Variants in OARD1 observed in about 807,000 individuals in gnomAD.
OARD1 encodes the protein ADP-ribose glycohydrolase OARD1.
In OARD1, 19 loss-of-function variants were observed where a neutral mutation model predicts 19.7. That is an observed-to-expected ratio of 0.96 (90% confidence interval 0.67 to 1.41). The LOEUF (loss-of-function observed/expected upper bound fraction) is 1.41. Among genes scored for constraint, OARD1 ranks in the 40% most tolerant of loss-of-function variants. The pLI, the probability that OARD1 is intolerant of heterozygous loss-of-function variation, is 0.00. For missense variants in OARD1, 190 were observed against 183.8 expected, an observed-to-expected ratio of 1.03 and a Z score of -0.20; for synonymous variants, 70 against 61.8, an observed-to-expected ratio of 1.13 and a Z score of -0.62.
At chr6:41,067,651 T>C (rs1763089283) in intron 5 of OARD1, among the ~76,000 whole-genome samples, 1 of 152,228 alleles carries the variant, frequency 6.6e-6, no homozygotes, top group Non-Finnish European at 1.5e-5. Context: ...ATCACTTCTG[T>C]TTGCCTAATA....
chr6:41,093,043 A>G, intron 1 of OARD1: 2 of 1,614,164 alleles, frequency 1.2e-6, no homozygotes, highest in Non-Finnish European at 1.7e-6. Context: ...GGCAAGCCCG[A>G]GCTAAACTAG....
At chr6:41,079,168 T>C (rs1487693825) in intron 1 of OARD1, 3 of 1,614,130 alleles carry the variant, frequency 1.9e-6, no homozygotes, top group Admixed American at 3.3e-5. Flanking sequence ...GCAGCAGGTA[T>C]GGAAGCAAAA....
intron 1 of OARD1, among the ~76,000 whole-genome samples, chr6:41,092,451 G>C (rs1379471246): frequency 6.6e-6 from 1 of 152,170 alleles, no homozygotes; most frequent in African/African-American, 2.4e-5. Flanking sequence ...GTGGGGTACA[G>C]GACTCTGTTA....
intron 1 of OARD1, among the ~76,000 whole-genome samples, chr6:41,083,307 TA>T (rs1763957793): frequency 6.6e-6 from 1 of 152,250 alleles, no homozygotes; most frequent in Non-Finnish European, 1.5e-5. Flanking sequence ...GTAATTTCAA[TA>T]TTTGTTGTTG....
At chr6:41,073,483 G>C (rs899887173), upstream of OARD1, among the ~76,000 whole-genome samples, 1 of 152,044 alleles carries the variant, frequency 6.6e-6, no homozygotes, top group Non-Finnish European at 1.5e-5. Context: ...CCTCCTGGTC[G>C]TTCTGGCCGC....
At chr6:41,090,263 C>T in intron 1 of OARD1, 1 of 1,613,950 alleles carries the variant, frequency 6.2e-7, no homozygotes, top group South Asian at 1.1e-5. Context: ...AAGGGCAGAC[C>T]ATCGTCTATC....
chr6:41,080,184 C>T (rs886928093), intron 1 of OARD1, among the ~76,000 whole-genome samples: 2 of 152,168 alleles, frequency 1.3e-5, no homozygotes, highest in African/African-American at 4.8e-5. Flanking sequence ...CATGGTGCTG[C>T]ATGCCTGTAA....
chr6:41,080,985 GA>G, intron 1 of OARD1: 1 of 1,021,268 alleles, frequency 9.8e-7, no homozygotes, highest in South Asian at 1.4e-5. Flanking sequence ...TCTCCAGTAG[GA>G]ATGGCAAAGT....
intron 1 of OARD1, among the ~76,000 whole-genome samples, chr6:41,082,954 G>A (rs943576776): frequency 1.3e-5 from 2 of 152,142 alleles, no homozygotes; most frequent in Admixed American, 1.3e-4. Context: ...GGTGGTGATT[G>A]TAGGAGGACC....
intron 1 of OARD1, among the ~76,000 whole-genome samples, chr6:41,087,487 A>C (rs968684412): frequency 1.3e-5 from 2 of 152,232 alleles, no homozygotes; most frequent in Non-Finnish European, 2.9e-5. Flanking sequence ...TGACCTGGCT[A>C]TAAAAATCTA....
rs1762983880 is a variant in OARD1, at chr6:41,065,805, T to C, written c.*1530A>G. 1 of 152,248 alleles carries C rather than the reference T, an allele frequency of 6.6e-6. No homozygotes were observed. The allele number at this position is 152,248 out of a possible 1,614,324, so 9.4% of individuals were successfully genotyped here. On this transcript the variant is annotated 3_prime_UTR_variant, in exon 6 of 6. Coordinates refer to ENST00000424266, the MANE Select transcript of OARD1 (RefSeq NM_001329686.2). The stretch of plus-strand genomic sequence containing the variant: ...TAACCAGCCCCTTCTAAAATACAGT[T>C]GTTCTTTTATACTTGGGAAAGCAGC...
At chr6:41,076,637 T>C (rs1164935248), upstream of OARD1, among the ~76,000 whole-genome samples, 1 of 152,206 alleles carries the variant, frequency 6.6e-6, no homozygotes, top group African/African-American at 2.4e-5. Context: ...AGGAAGAGAA[T>C]TTTCATGCTA....
intron 1 of OARD1, among the ~76,000 whole-genome samples, chr6:41,086,979 A>G (rs561913572): frequency 6.6e-6 from 1 of 152,336 alleles, no homozygotes; most frequent in Non-Finnish European, 1.5e-5. Context: ...ACTAAAACAT[A>G]ATATGCATTG....
chr6:41,094,099 C>T (rs888756996), intron 1 of OARD1, among the ~76,000 whole-genome samples: 3 of 152,036 alleles, frequency 2.0e-5, no homozygotes, highest in Admixed American at 6.5e-5. Flanking sequence ...CGAAATTTGG[C>T]CTGTTATTAA....
At chr6:41,090,004 G>C (rs1484791822) in intron 1 of OARD1, among the ~76,000 whole-genome samples, 2 of 152,076 alleles carry the variant, frequency 1.3e-5, no homozygotes. Flanking sequence ...CCAGCTACTC[G>C]GGAGGCTGAG....
At chr6:41,087,026 G>C (rs372027083) in intron 1 of OARD1, among the ~76,000 whole-genome samples, 14 of 152,146 alleles carry the variant, frequency 9.2e-5, no homozygotes, top group African/African-American at 3.1e-4. Context: ...GTGAAAACTT[G>C]GAAAAGATAT....
chr6:41,071,495 A>G (rs1763387843), intron 2 of OARD1, 101 bp downstream of exon 2: 13 of 1,166,994 alleles, frequency 1.1e-5, no homozygotes, highest in Non-Finnish European at 1.5e-5. Context: ...TAGAGAGAAA[A>G]AAAGATAATG....
intron 1 of OARD1, chr6:41,097,558 T>A (rs78654930): frequency 4.0e-6 from 3 of 758,036 alleles, no homozygotes; most frequent in Non-Finnish European, 6.4e-6. Flanking sequence ...GGCTCAGTAT[T>A]ACAATTGCAG....
At chr6:41,093,668 A>G (rs1457711286) in intron 1 of OARD1, among the ~76,000 whole-genome samples, 2 of 152,122 alleles carry the variant, frequency 1.3e-5, no homozygotes, top group South Asian at 2.1e-4. Flanking sequence ...ACGGGGTTTC[A>G]CCATGTTGGC....
Sources: gnomAD v4.1 joint callset for allele counts (sites outside exome capture counted in the v4.1 genomes callset) on GRCh38, gnomAD v4.1.1 for gene constraint, MANE v1.5 for transcripts, NCBI Gene and HGNC (gene_info 2026-07-23, HGNC 2026-07-21) for gene names.